The following CXorf38 variants were observed in gnomAD, a reference collection of about 807,000 sequenced individuals.
CXorf38 encodes the protein chromosome X open reading frame 38.
CXorf38 carries 13 observed loss-of-function variants against 27.5 expected under a neutral mutation model. That is an observed-to-expected ratio of 0.47 (90% CI 0.31 to 0.75). The LOEUF is 0.75. CXorf38 is among the 30% of genes least tolerant of loss of function. CXorf38 has a pLI of 0.05. For synonymous variants in CXorf38, 100 were observed against 99.8 expected, an observed-to-expected ratio of 1.00 and a Z score of -0.01; for missense variants, 240 against 253.2, an observed-to-expected ratio of 0.95 and a Z score of 0.35.
chrX:40,639,361 A>G, intron 2 of CXorf38: 1 of 298,802 alleles, frequency 3.3e-6, no homozygotes. Context: ...TACATATGAT[A>G]TAACAGGCTT....
In CXorf38 at chrX:40,630,617, A is replaced by G. The variant is rs1264748272; in HGVS notation, c.958T>C (p.Ter320ArgextTer12). ...PGRQTPDRKA[*>R] is the part of the protein sequence containing the mutation. The stretch of plus-strand genomic sequence containing the variant: ...ACCATCATCTGCCTGAACTCACCTC[A>G]GGCCTTCCTGTCAGGTGTTTGTCTC... Residue 320 changes from the stop codon to arginine (R), a stop_lost, in exon 6 of 7, where the codon TGA (stop) becomes CGA (arginine). Transcript: ENST00000327877. 2 of 1,208,695 alleles carry G rather than the reference A, an allele frequency of 1.7e-6. No individual in the cohort carries two copies. The highest frequency in any genetic ancestry group is 1.1e-6 in the Non-Finnish European group (1 of 893,772).
In CXorf38 at chrX:40,637,176, TA is replaced by T; in HGVS notation, c.472-21del. The T allele has an allele frequency of 4.6e-6, 5 of 1,097,347 alleles. No individual in the cohort carries two copies. The highest frequency in any genetic ancestry group is 6.0e-6 in the Non-Finnish European group (5 of 827,675). 90.4% of individuals were successfully genotyped at this position (1,097,347 alleles called of 1,213,427 possible). A position where few individuals can be genotyped will look rare whatever the true frequency, so the allele number is the denominator to read the frequency against. ...AATTACCTGCAGAAAGACAAAAAGA[TA>T]AAAGGCTTCAAAATCAAACAATGGG... is the stretch of plus-strand genomic sequence containing the variant. On this transcript the variant is annotated intron_variant, in intron 3 of 6. Coordinates refer to ENST00000327877, the MANE Select transcript of CXorf38 (RefSeq NM_144970.3).
chrX:40,632,036 C>T (rs1312698885), intron 5 of CXorf38, among the ~76,000 whole-genome samples: 16 of 111,878 alleles, frequency 1.4e-4, no homozygotes, highest in African/African-American at 5.2e-4. Context: ...AATCTGGAAA[C>T]CAGAGACATG....
Position 40,636,640 on chromosome X carries a change from T to C in CXorf38, c.694A>G (p.Thr232Ala). ...TTGACTTGGCTCTCACTCAGGTAAGTTCCCATTTCACATTCACACCCATCT... is the reference window on the plus strand; with the variant it reads ...TTGACTTGGCTCTCACTCAGGTAAGCTCCCATTTCACATTCACACCCATCT... ...QRDGCECEMG[T>A]YLSESQVNEI... The change falls in exon 5 of 7, where the codon ACT becomes GCT. Residue 232 changes from threonine to alanine, a missense_variant. Physicochemically the swap from Thr to Ala is moderately conservative, Grantham distance 58 (BLOSUM62 0). Transcript: ENST00000327877. 8.3e-7 allele frequency: 1 copy of C among 1,209,071 alleles called. No homozygotes were observed. The highest frequency in any genetic ancestry group is 1.1e-6 in the Non-Finnish European group (1 of 893,802).
chrX:40,645,108 G>C (rs983990250), intron 2 of CXorf38, among the ~76,000 whole-genome samples: 1 of 112,029 alleles, frequency 8.9e-6, no homozygotes, highest in Non-Finnish European at 1.9e-5. Context: ...AGAGGGTGCT[G>C]GGTATTCAGG....
chrX:40,632,341 T>C (rs1027095808), intron 5 of CXorf38, among the ~76,000 whole-genome samples: 1 of 112,102 alleles, frequency 8.9e-6, no homozygotes, highest in Non-Finnish European at 1.9e-5. Flanking sequence ...CTGCAGACTC[T>C]CAGGACTGAT....
At chrX:40,631,250 T>TACAC (rs1462657519) in intron 5 of CXorf38, among the ~76,000 whole-genome samples, 49 of 37,276 alleles carry the variant, frequency 1.3e-3, no homozygotes, top group African/African-American at 2.3e-3. Context: ...TATGTATATA[T>TACAC]ATATACACAC....
At chrX:40,631,215 ATATAC>A (rs1317939748) in intron 5 of CXorf38, among the ~76,000 whole-genome samples, 3 of 61,226 alleles carry the variant, frequency 4.9e-5, no homozygotes, top group African/African-American at 1.3e-4. Context: ...GTACATATAT[ATATAC>A]ATGTGTATAT....
Position 40,628,593 on chromosome X carries a change from T to C in CXorf38, c.*1571A>G, listed in dbSNP as rs1301330902. On this transcript the variant is annotated 3_prime_UTR_variant, in exon 7 of 7. Transcript: ENST00000327877. ...AGTGGATGACTTTAGGGGTAAAAGGTATAGAAGAAGCATGAACGAATGTGT... is the reference window on the plus strand; with the variant it reads ...AGTGGATGACTTTAGGGGTAAAAGGCATAGAAGAAGCATGAACGAATGTGT... The C allele has an allele frequency of 8.9e-6, 1 of 112,344 alleles. No homozygotes were observed. The highest frequency in any genetic ancestry group is 3.2e-5 in the African/African-American group (1 of 30,878). The allele number at this position is 112,344 out of a possible 1,213,427, so 9.3% of individuals were successfully genotyped here. A position where few individuals can be genotyped will look rare whatever the true frequency, so the allele number is the denominator to read the frequency against.
At position 40,639,035 on chromosome X, in the gene CXorf38, C is replaced by T. The variant is rs776378344; in HGVS notation, c.445G>A (p.Val149Met). Residue 149 changes from valine (V) to methionine (M), a missense_variant, in exon 3 of 7, where the codon GTG becomes ATG. Coordinates refer to ENST00000327877, the MANE Select transcript of CXorf38 (RefSeq NM_144970.3). ...LSLINSCDHF[V>M]VDRKKVTEVI... The stretch of plus-strand genomic sequence containing the variant: ...TCTGTGACTTTCTTTCGATCAACCA[C>T]GAAGTGATCGCAGGAGTTGATGAGA... 3.3e-6 allele frequency: 4 copies of T among 1,210,979 alleles called. No homozygotes were observed. The highest frequency in any genetic ancestry group is 3.0e-5 in the East Asian group (1 of 33,817).
At position 40,630,858 on chromosome X, in the gene CXorf38, ACTG is replaced by A; in HGVS notation, c.802-88_802-86del. 8.9e-6 allele frequency: 8 copies of A among 901,894 alleles called. 1 individual carries two copies. The South Asian group carries it at 1.9e-4, about 21-fold the overall frequency. 74.3% of individuals were successfully genotyped at this position (901,894 alleles called of 1,213,427 possible). A position where few individuals can be genotyped will look rare whatever the true frequency, so the allele number is the denominator to read the frequency against. On this transcript the variant is annotated intron_variant, in intron 5 of 6. Transcript: ENST00000327877. ...AAATGAAAAACCTACTAGCTTCTAG[ACTG>A]GCTCCTACTCACGTGCCCAAGAGAC...
chrX:40,638,550 T>C (rs974514890), intron 3 of CXorf38, among the ~76,000 whole-genome samples: 2 of 112,448 alleles, frequency 1.8e-5, no homozygotes, highest in Admixed American at 9.4e-5. Context: ...TCCATACCAT[T>C]TGGCCTTGCA....
chrX:40,647,373 C>A lies in CXorf38; in HGVS notation c.148G>T (p.Ala50Ser), dbSNP rs1345574427. 5 of 1,166,741 alleles carry A rather than the reference C, an allele frequency of 4.3e-6. No homozygotes were observed. In the Admixed American group the frequency reaches 7.3e-5, roughly 17 times the overall value. ...VLSFHRGLLA[A>S]APGLGPRAVC... ...GCGCGGGGCCCCAGGCCGGGGGCTG[C>A]GGCGAGTAGGCCGCGGTGGAAGGAG... Residue 50 changes from alanine (A) to serine (S), a missense_variant, in exon 1 of 7, where the codon GCA becomes TCA. Transcript: ENST00000327877.
Position 40,629,657 on chromosome X carries a change from G to A in CXorf38, c.*507C>T, listed in dbSNP as rs1219087037. The A allele has an allele frequency of 8.9e-6, 1 of 112,408 alleles. No individual in the cohort carries two copies. Among genetic ancestry groups the A allele is most frequent in the African/African-American group, 3.2e-5 (1 of 30,937 alleles). 9.3% of individuals were successfully genotyped at this position (112,408 alleles called of 1,213,427 possible). A position where few individuals can be genotyped will look rare whatever the true frequency, so the allele number is the denominator to read the frequency against. Reference sequence around the variant, plus strand: ...AGACAGAATCTCGCTCTATTGCCCAGGCTGGAGTACAGTGGCATGGTCTCA... The same window carrying A: ...AGACAGAATCTCGCTCTATTGCCCAAGCTGGAGTACAGTGGCATGGTCTCA... On this transcript the variant is annotated 3_prime_UTR_variant, in exon 7 of 7. Coordinates refer to ENST00000327877, the MANE Select transcript of CXorf38 (RefSeq NM_144970.3).
intron 5 of CXorf38, among the ~76,000 whole-genome samples, chrX:40,632,456 A>G (rs998786197): frequency 6.2e-5 from 7 of 112,062 alleles, no homozygotes; most frequent in Non-Finnish European, 1.3e-4. Flanking sequence ...AGTGTCCCAT[A>G]GCTGACATTT....
intron 2 of CXorf38, among the ~76,000 whole-genome samples, chrX:40,643,226 C>T (rs953910606): frequency 9.0e-6 from 1 of 111,379 alleles, no homozygotes; most frequent in African/African-American, 3.3e-5. Flanking sequence ...CCACATCCGG[C>T]CTCTTAAAAT....
chrX:40,647,227 C>T (rs1226686273), intron 1 of CXorf38, 78 bp downstream of exon 1: 15 of 1,145,619 alleles, frequency 1.3e-5, no homozygotes, highest in Non-Finnish European at 1.6e-5. Flanking sequence ...GACACTTGCG[C>T]TCTGGGTCTG....
chrX:40,637,018 T>C lies in CXorf38; in HGVS notation c.610A>G (p.Arg204Gly). The part of the protein sequence containing the change: ...NIPEIVAVYS[R>G]IEQLLTSDWA... ...AACATGATTTTTACCTGTTCTATTC[T>C]GGAGTATACTGCCACAATCTCTGGG... Residue 204 changes from arginine to glycine, a missense_variant, in exon 4 of 7, where the codon AGA (arginine) becomes GGA (glycine). Transcript: ENST00000327877. 1.0e-5 allele frequency: 12 copies of C among 1,200,505 alleles called. No individual in the cohort carries two copies. The highest frequency in any genetic ancestry group is 1.1e-5 in the Non-Finnish European group (10 of 889,990).
intron 5 of CXorf38, 93 bp downstream of exon 5, chrX:40,636,439 CA>C: frequency 1.8e-6 from 1 of 550,046 alleles, no homozygotes; most frequent in Non-Finnish European, 2.9e-6. Flanking sequence ...ATCAAAAACA[CA>C]ATTAATTATT....
Sources: gnomAD v4.1 joint callset for allele counts (sites outside exome capture counted in the v4.1 genomes callset) on GRCh38, gnomAD v4.1.1 for gene constraint, MANE v1.5 for transcripts, NCBI Gene and HGNC (gene_info 2026-07-23, HGNC 2026-07-21) for gene names.